Variants in LDB2 observed in about 807,000 individuals in gnomAD.
LDB2 encodes the protein LIM domain binding 2, also known as LIM domain-binding protein 2.
A neutral mutation model predicts 44.3 loss-of-function variants in LDB2; 12 were observed. The ratio of observed to expected loss-of-function variants is 0.27; its 90% CI spans 0.17 to 0.44. LDB2 has a LOEUF of 0.44. Ranked by LOEUF, LDB2 falls within the 20% of genes least tolerant of loss-of-function variation. The pLI, the probability that LDB2 is intolerant of heterozygous loss-of-function variation, is 1.00. For missense variants in LDB2, 344 were observed against 473.5 expected (o/e 0.73, Z 2.54); for synonymous variants, 164 against 174.8 (o/e 0.94, Z 0.49).
rs183873190 is a variant in LDB2 at position 16,637,369 on chromosome 4, T to C, written c.236-41494A>G. ...AGCAGGTGTCTTTTTCTCTAAGTGG[T>C]TGAAAGAGAGCTGTTATTCATAAGC... On this transcript the variant is annotated intron_variant, in intron 2 of 7. Transcript: ENST00000304523. Among the ~76,000 whole-genome samples, 202 of 131,690 alleles carry C rather than the reference T, an allele frequency of 1.5e-3. 3 individuals are homozygous for C. Among genetic ancestry groups the C allele is most frequent in the African/African-American group, 5.4e-3 (193 of 35,706 alleles). 86.4% of individuals were successfully genotyped at this position (131,690 alleles called of 152,430 possible). A position where few individuals can be genotyped will look rare whatever the true frequency, so the allele number is the denominator to read the frequency against.
At chr4:16,685,525 G>A (rs1246790244) in intron 2 of LDB2, among the ~76,000 whole-genome samples, 1 of 152,150 alleles carries the variant, frequency 6.6e-6, no homozygotes, top group African/African-American at 2.4e-5. Flanking sequence ...CTCCTCACCT[G>A]TTGAATGGAC....
chr4:16,643,498 CATT>C (rs772151156), intron 2 of LDB2, among the ~76,000 whole-genome samples: 1 of 152,154 alleles, frequency 6.6e-6, no homozygotes, highest in African/African-American at 2.4e-5. Flanking sequence ...TCATCATTAT[CATT>C]ATTATTTATT....
chr4:16,813,325 T>G (rs1344271220), intron 1 of LDB2, among the ~76,000 whole-genome samples: 1 of 152,180 alleles, frequency 6.6e-6, no homozygotes, highest in African/African-American at 2.4e-5. Context: ...TTCATAGCAT[T>G]TAACTAACAA....
intron 1 of LDB2, among the ~76,000 whole-genome samples, chr4:16,873,578 C>A (rs1717386444): frequency 6.6e-6 from 1 of 152,012 alleles, no homozygotes. Flanking sequence ...AAAGAAAAAC[C>A]AAATTATTCC....
chr4:16,884,744 A>C (rs1483008), intron 1 of LDB2, among the ~76,000 whole-genome samples: 82,125 of 152,012 alleles, frequency 0.54, 22,633 homozygotes, highest in South Asian at 0.63. Context: ...TCCATTAAAC[A>C]AATAAGCCAC....
intron 2 of LDB2, among the ~76,000 whole-genome samples, chr4:16,634,487 A>G (rs1030163422): frequency 3.3e-5 from 5 of 152,216 alleles, no homozygotes; most frequent in African/African-American, 1.2e-4. Context: ...GGCAAAGGAT[A>G]TGAACAGACA....
At chr4:16,777,342 C>T (rs192751896) in intron 1 of LDB2, among the ~76,000 whole-genome samples, 18 of 152,070 alleles carry the variant, frequency 1.2e-4, no homozygotes, top group African/African-American at 4.1e-4. Flanking sequence ...AACCGAGAGC[C>T]GAGGCATGAG....
intron 2 of LDB2, among the ~76,000 whole-genome samples, chr4:16,687,045 C>T (rs1749418897): frequency 6.7e-6 from 1 of 149,744 alleles, no homozygotes; most frequent in Non-Finnish European, 1.5e-5. Context: ...TTTCTTTTTA[C>T]CAGTGAAATA....
rs1561056227 is a variant in LDB2, at chr4:16,739,684, A to ATG, written c.235+19473_235+19474insCA. Among the ~76,000 whole-genome samples the ATG allele has an allele frequency of 4.2e-3, 347 of 82,484 alleles. 56 individuals carry two copies. Among genetic ancestry groups the ATG allele is most frequent in the African/African-American group, 0.015 (301 of 20,466 alleles). 54.1% of individuals were successfully genotyped at this position (82,484 alleles called of 152,430 possible). On this transcript the variant is annotated intron_variant, in intron 2 of 7. Coordinates refer to ENST00000304523, the MANE Select transcript of LDB2 (RefSeq NM_001290.5). ...TATGTATATATACATATGTGTGTAT[A>ATG]TATGTATATATACATATATGTGTAT...
chr4:16,566,556 C>T (rs563476806), intron 5 of LDB2, among the ~76,000 whole-genome samples: 1 of 152,126 alleles, frequency 6.6e-6, no homozygotes, highest in Non-Finnish European at 1.5e-5. Flanking sequence ...AAAAAAATCA[C>T]CCCATTTTAA....
At chr4:16,613,001 A>G (rs908323192) in intron 2 of LDB2, among the ~76,000 whole-genome samples, 14 of 152,148 alleles carry the variant, frequency 9.2e-5, no homozygotes, top group Non-Finnish European at 1.5e-5. Context: ...AACCTTATCC[A>G]CTACAATCAA....
intron 1 of LDB2, among the ~76,000 whole-genome samples, chr4:16,856,450 G>C (rs914774080): frequency 1.3e-5 from 2 of 152,098 alleles, no homozygotes; most frequent in Non-Finnish European, 2.9e-5. Flanking sequence ...ATCAAGCTGT[G>C]TCCATTACAG....
chr4:16,542,115 C>T (rs892009663), intron 5 of LDB2, among the ~76,000 whole-genome samples: 21 of 126,274 alleles, frequency 1.7e-4, no homozygotes, highest in Admixed American at 4.0e-4. Context: ...GGGGGGGGCG[C>T]GAGCAGGAGG....
chr4:16,812,810 A>C (rs367725918), intron 1 of LDB2, among the ~76,000 whole-genome samples: 1 of 152,004 alleles, frequency 6.6e-6, no homozygotes, highest in African/African-American at 2.4e-5. Flanking sequence ...ATGAAAATGC[A>C]CAACGATAAT....
chr4:16,771,790 C>CA (rs1368815145), intron 1 of LDB2, among the ~76,000 whole-genome samples: 1 of 152,196 alleles, frequency 6.6e-6, no homozygotes, highest in Non-Finnish European at 1.5e-5. Flanking sequence ...TCAGCCTGGA[C>CA]AACAATGACT....
At chr4:16,663,837 A>C (rs1742278267) in intron 2 of LDB2, among the ~76,000 whole-genome samples, 2 of 152,166 alleles carry the variant, frequency 1.3e-5, no homozygotes, top group South Asian at 4.1e-4. Context: ...GAAGGGAATA[A>C]ATTCTCAGGC....
At chr4:16,560,808 A>G (rs1361915993) in intron 5 of LDB2, among the ~76,000 whole-genome samples, 1 of 152,214 alleles carries the variant, frequency 6.6e-6, no homozygotes, top group African/African-American at 2.4e-5. Flanking sequence ...CATTAATGCA[A>G]AAAGCCTCAA....
Position 16,732,238 on chromosome 4 carries a change from C to A in LDB2, c.235+26920G>T, listed in dbSNP as rs116241606. On this transcript the variant is annotated intron_variant, in intron 2 of 7. Coordinates refer to ENST00000304523, the MANE Select transcript of LDB2 (RefSeq NM_001290.5). The stretch of plus-strand genomic sequence containing the variant: ...AAAGGGGCTTGGGACTTGGTTGGAG[C>A]TTTCTTTTATTAATGCAAATACAAT... 8.9e-3 allele frequency among the ~76,000 whole-genome samples: 1,361 copies of A among 152,246 alleles called. 26 individuals carry two copies. The highest frequency in any genetic ancestry group is 0.031 in the African/African-American group (1,300 of 41,534).
chr4:16,888,084 G>C (rs140771117), intron 1 of LDB2, among the ~76,000 whole-genome samples: 203 of 152,280 alleles, frequency 1.3e-3, no homozygotes, highest in African/African-American at 4.8e-3. Flanking sequence ...GTCCAGACAC[G>C]CAGGTGGTGC....
Sources: gnomAD v4.1 joint callset for allele counts (sites outside exome capture counted in the v4.1 genomes callset) on GRCh38, gnomAD v4.1.1 for gene constraint, MANE v1.5 for transcripts, NCBI Gene and HGNC (gene_info 2026-07-23, HGNC 2026-07-21) for gene names.